CHIC2: variants seen among roughly 807,000 people sequenced by gnomAD.
The protein encoded by CHIC2 is cysteine rich hydrophobic domain 2.
CHIC2 carries 14 observed loss-of-function variants against 25.9 expected under a neutral mutation model. The ratio of observed to expected loss-of-function variants is 0.54; its 90% CI spans 0.36 to 0.85. The LOEUF is 0.85. Among genes scored for constraint, CHIC2 ranks in the 40% least tolerant of loss-of-function variants. The pLI, the probability that CHIC2 is intolerant of heterozygous loss-of-function variation, is 0.01. For missense variants in CHIC2, 146 were observed against 202.0 expected (o/e 0.72, Z 1.68); for synonymous variants, 70 against 72.0 (o/e 0.97, Z 0.14).
At chr4:54,052,240 TA>T (rs1211428618) in intron 1 of CHIC2, among the ~76,000 whole-genome samples, 1 of 152,212 alleles carries the variant, frequency 6.6e-6, no homozygotes, top group African/African-American at 2.4e-5. Context: ...TTTGATAATA[TA>T]ACTGTAAAAT....
intron 3 of CHIC2, among the ~76,000 whole-genome samples, chr4:54,046,732 G>A (rs1177867527): frequency 6.6e-6 from 1 of 152,186 alleles, no homozygotes; most frequent in Admixed American, 6.5e-5. Flanking sequence ...TCAGGACATA[G>A]GCATGGGCAA....
chr4:54,033,911 T>C (rs1476069432), intron 3 of CHIC2, among the ~76,000 whole-genome samples: 1 of 152,180 alleles, frequency 6.6e-6, no homozygotes, highest in African/African-American at 2.4e-5. Context: ...TGTAGCTTTA[T>C]AATTATGTCT....
At chr4:54,076,409 G>T in the CHIC2 span, among the ~76,000 whole-genome samples, 2 of 152,108 alleles carry the variant, frequency 1.3e-5, no homozygotes, top group African/African-American at 4.8e-5. Context: ...TGTTTCTACT[G>T]CAAGGGAGAA....
intron 3 of CHIC2, among the ~76,000 whole-genome samples, chr4:54,014,325 T>C (rs1715681084): frequency 6.6e-6 from 1 of 152,170 alleles, no homozygotes; most frequent in Non-Finnish European, 1.5e-5. Flanking sequence ...TTTATTTTTA[T>C]CATACGAATC....
At chr4:54,061,564 A>T (rs1026873364) in intron 1 of CHIC2, among the ~76,000 whole-genome samples, 6 of 152,148 alleles carry the variant, frequency 3.9e-5, no homozygotes, top group African/African-American at 1.4e-4. Context: ...AGCCAGTCTT[A>T]CTACAACTGT....
intron 5 of CHIC2, among the ~76,000 whole-genome samples, chr4:54,013,568 C>A (rs1014437233): frequency 1.3e-5 from 2 of 152,108 alleles, no homozygotes; most frequent in Non-Finnish European, 1.5e-5. Flanking sequence ...AAATTTCACA[C>A]TCCATCAACA....
At chr4:54,014,168 C>T in intron 3 of CHIC2, 49 bp from the exon 4 acceptor site, 1 of 1,563,054 alleles carries the variant, frequency 6.4e-7, no homozygotes, top group Non-Finnish European at 8.8e-7. Context: ...TTTTAGAAAA[C>T]TTTGTTTTGC....
chr4:54,042,005 T>C (rs1402482581), intron 3 of CHIC2, among the ~76,000 whole-genome samples: 2 of 146,162 alleles, frequency 1.4e-5, no homozygotes, highest in Non-Finnish European at 3.0e-5. Flanking sequence ...ACTTAAAGTA[T>C]AATTTAAAAA....
intron 1 of CHIC2, among the ~76,000 whole-genome samples, chr4:54,053,998 C>G (rs1299390862): frequency 6.6e-6 from 1 of 152,094 alleles, no homozygotes. Context: ...ACCATGTTGG[C>G]CAGGCTGGTC....
intron 3 of CHIC2, among the ~76,000 whole-genome samples, chr4:54,031,931 A>G (rs999852958): frequency 1.3e-5 from 2 of 151,928 alleles, no homozygotes; most frequent in African/African-American, 4.8e-5. Flanking sequence ...ACTTGCTCTA[A>G]TTCTTAAAAC....
chr4:54,042,323 A>C (rs1478276789), intron 3 of CHIC2, among the ~76,000 whole-genome samples: 1 of 152,240 alleles, frequency 6.6e-6, no homozygotes, highest in African/African-American at 2.4e-5. Context: ...ACTTTCAGAA[A>C]CTACAGATTA....
the CHIC2 span, among the ~76,000 whole-genome samples, chr4:54,081,673 G>A: frequency 6.6e-6 from 1 of 152,092 alleles, no homozygotes; most frequent in Non-Finnish European, 1.5e-5. Context: ...GGAAACCACT[G>A]GTGAATTTGG....
upstream of CHIC2, among the ~76,000 whole-genome samples, chr4:54,065,797 C>G (rs369157474): frequency 1.3e-5 from 2 of 151,902 alleles, no homozygotes; most frequent in Non-Finnish European, 2.9e-5. Context: ...TCACTGTTGA[C>G]GTGGAGAAAG....
chr4:54,087,075 C>T, the CHIC2 span: 4 of 1,089,608 alleles, frequency 3.7e-6, no homozygotes, highest in African/African-American at 3.1e-5. Flanking sequence ...AAATCTTGAA[C>T]CACCTCTCTC....
At chr4:54,054,033 C>T (rs1174765284) in intron 1 of CHIC2, among the ~76,000 whole-genome samples, 1 of 152,182 alleles carries the variant, frequency 6.6e-6, no homozygotes, top group Non-Finnish European at 1.5e-5. Context: ...AGTGATCCGC[C>T]CACCTTGGCC....
Position 54,064,435 on chromosome 4 carries a change from C to T in CHIC2, c.-135G>A. On this transcript the variant is annotated 5_prime_UTR_variant, in exon 1 of 6. Transcript: ENST00000263921. The surrounding 1 kb of genome is among the most constrained non-coding windows in gnomAD (Gnocchi z 4.2). The stretch of plus-strand genomic sequence containing the variant: ...CCGAGGCCGCGGAGTTCGCTGTCGG[C>T]TGTCTCGGCTCCGGCTACAGAGGGG... 2.0e-6 allele frequency: 3 copies of T among 1,511,246 alleles called. No homozygotes were observed. Among genetic ancestry groups the T allele is most frequent in the Non-Finnish European group, 2.6e-6 (3 of 1,134,068 alleles). 93.6% of individuals were successfully genotyped at this position (1,511,246 alleles called of 1,614,324 possible).
the CHIC2 span, among the ~76,000 whole-genome samples, chr4:54,080,650 C>A: frequency 2.2e-4 from 33 of 150,958 alleles, no homozygotes; most frequent in African/African-American, 8.0e-4. Flanking sequence ...CCTGTAGTCT[C>A]AGCTACTTGG....
the CHIC2 span, among the ~76,000 whole-genome samples, chr4:54,091,868 G>T: frequency 1.3e-5 from 2 of 152,210 alleles, no homozygotes; most frequent in Non-Finnish European, 2.9e-5. Flanking sequence ...GAGCTTGCGC[G>T]CAGACACACT....
Position 54,064,333 on chromosome 4 carries a change from C to G in CHIC2, c.-33G>C. ...CTCCGAGCTCCCCTGCCCAAAGGGC[C>G]TGACTCCCGGGGTTGGCGCCGGGGT... is the stretch of plus-strand genomic sequence containing the variant. On this transcript the variant is annotated 5_prime_UTR_variant, in exon 1 of 6. Coordinates refer to ENST00000263921, the MANE Select transcript of CHIC2 (RefSeq NM_012110.4). The surrounding 1 kb of genome is among the most constrained non-coding windows in gnomAD (Gnocchi z 4.2). 6.2e-7 allele frequency: 1 copy of G among 1,612,108 alleles called. No individual in the cohort carries two copies. Among genetic ancestry groups the G allele is most frequent in the Non-Finnish European group, 8.5e-7 (1 of 1,179,048 alleles).
Sources: gnomAD v4.1 joint callset for allele counts (sites outside exome capture counted in the v4.1 genomes callset) on GRCh38, gnomAD v4.1.1 for gene constraint, Gnocchi (gnomAD v3.1) non-coding constraint, MANE v1.5 for transcripts, NCBI Gene and HGNC (gene_info 2026-07-23, HGNC 2026-07-21) for gene names.